Variants in LONP2 observed in about 807,000 individuals in gnomAD.
LONP2 encodes lon peptidase 2, peroxisomal, also known as lon protease homolog 2, peroxisomal.
Under a neutral mutation model 85.6 loss-of-function variants are expected in LONP2, and 60 were observed. That is an observed-to-expected ratio of 0.70 (90% confidence interval 0.57 to 0.87). The LOEUF is 0.87. LONP2 is among the 40% of genes least tolerant of loss of function. The probability of loss-of-function intolerance (pLI) is 0.00; values close to 1 mark genes in which losing one functional copy is unlikely to be tolerated. For synonymous variants in LONP2, 395 were observed against 389.7 expected (o/e 1.01, Z -0.16); for missense variants, 860 against 1,063.5 (o/e 0.81, Z 2.66).
rs1187956177 is a variant in LONP2, at chr16:48,356,750, G to C, written c.*4948G>C. 1 of 324,784 alleles carries C rather than the reference G, an allele frequency of 3.1e-6. No individual in the cohort carries two copies. Among genetic ancestry groups the C allele is most frequent in the African/African-American group, 2.2e-5 (1 of 45,414 alleles). The allele number at this position is 324,784 out of a possible 1,614,324, so 20.1% of individuals were successfully genotyped here. On this transcript the variant is annotated 3_prime_UTR_variant, in exon 15 of 15. Coordinates refer to ENST00000285737, the MANE Select transcript of LONP2 (RefSeq NM_031490.5). ...AGATGTTTTAAAAGTTACAGCAAAA[G>C]GACTTCTAAAACAATTTTAGGAAAA...
At chr16:48,326,320 T>C (rs1363181766) in intron 11 of LONP2, among the ~76,000 whole-genome samples, 2 of 152,196 alleles carry the variant, frequency 1.3e-5, no homozygotes, top group African/African-American at 4.8e-5. Context: ...GTATGTCCCA[T>C]CCTTCCCTCC....
intron 7 of LONP2, among the ~76,000 whole-genome samples, chr16:48,272,425 A>C (rs943959426): frequency 2.6e-5 from 4 of 152,158 alleles, no homozygotes; most frequent in East Asian, 1.9e-4. Context: ...ATAAATCTCT[A>C]TTTTAAATCC....
chr16:48,290,368 T>TCTG (rs1972534707), intron 8 of LONP2, among the ~76,000 whole-genome samples: 3 of 152,314 alleles, frequency 2.0e-5, no homozygotes, highest in African/African-American at 7.2e-5. Context: ...CAAGCAGTTC[T>TCTG]TCAGCAACCG....
chr16:48,258,467 T>C (rs1242310750), intron 3 of LONP2, 151 bp from the exon 4 acceptor site: 1 of 541,028 alleles, frequency 1.8e-6, no homozygotes, highest in East Asian at 3.3e-5. Context: ...CTGATTAATA[T>C]AGTTCATTTG....
At chr16:48,269,583 T>A (rs1316937261) in intron 6 of LONP2, among the ~76,000 whole-genome samples, 1 of 152,184 alleles carries the variant, frequency 6.6e-6, no homozygotes, top group Non-Finnish European at 1.5e-5. Context: ...GTAGTGGTGA[T>A]CTCTTGGGGG....
At chr16:48,245,963 C>G (rs1461483948) in intron 1 of LONP2, among the ~76,000 whole-genome samples, 1 of 152,086 alleles carries the variant, frequency 6.6e-6, no homozygotes, top group Non-Finnish European at 1.5e-5. Flanking sequence ...GCAGTTATCC[C>G]TTATTTTTAA....
intron 13 of LONP2, 27 bp from the exon 14 acceptor site, chr16:48,348,073 A>T (rs1344445016): frequency 6.4e-7 from 1 of 1,568,926 alleles, no homozygotes; most frequent in South Asian, 1.2e-5. Context: ...ATTTTTCTAC[A>T]TTAAAGTCCC....
intron 11 of LONP2, among the ~76,000 whole-genome samples, chr16:48,319,177 C>T (rs879433471): frequency 9.2e-5 from 14 of 152,014 alleles, no homozygotes; most frequent in Admixed American, 2.6e-4. Flanking sequence ...GCCAGGAGTT[C>T]GAGACCAGCC....
intron 8 of LONP2, among the ~76,000 whole-genome samples, chr16:48,288,627 C>T (rs1275522575): frequency 3.9e-5 from 6 of 152,096 alleles, no homozygotes; most frequent in Non-Finnish European, 7.4e-5. Flanking sequence ...TTACAGACAA[C>T]CGACTTGTGG....
chr16:48,346,343 G>GA lies in LONP2; in HGVS notation c.1939-1163dup, dbSNP rs79540811. On this transcript the variant is annotated intron_variant, in intron 12 of 14. Transcript: ENST00000285737. ...AATTTTGAAGCTCAAAGGGTGTAAT[G>GA]AGAGTTAACATTACTGATTTTCCAC... Among the ~76,000 whole-genome samples, 110 of 152,262 alleles carry GA rather than the reference G, an allele frequency of 7.2e-4. 1 individual carries two copies. The East Asian group carries it at 0.02, about 28-fold the overall frequency.
chr16:48,245,979 G>A (rs1971359168), intron 1 of LONP2, among the ~76,000 whole-genome samples: 1 of 151,970 alleles, frequency 6.6e-6, no homozygotes, highest in Admixed American at 6.6e-5. Flanking sequence ...TTTAAATTAG[G>A]GGTTCCTGAC....
chr16:48,246,454 T>A (rs1971392428), intron 1 of LONP2, among the ~76,000 whole-genome samples: 1 of 152,262 alleles, frequency 6.6e-6, no homozygotes, highest in African/African-American at 2.4e-5. Context: ...CTACTGTGCA[T>A]ATGTATTGAT....
At chr16:48,270,330 A>G in intron 7 of LONP2, 56 bp downstream of exon 7, 11 of 1,580,690 alleles carry the variant, frequency 7.0e-6, no homozygotes, top group Non-Finnish European at 8.6e-6. Flanking sequence ...AATTGACTAG[A>G]GCTCCCTAAA....
intron 12 of LONP2, among the ~76,000 whole-genome samples, chr16:48,343,370 AAATGTTCTTTAAAAACT>A (rs1299034161): frequency 1.3e-5 from 2 of 152,200 alleles, no homozygotes; most frequent in Non-Finnish European, 2.9e-5. Context: ...TAGATACTCC[AAATGTTCTTTAAAAACT>A]AATAGCATTG....
chr16:48,289,909 A>G (rs1038922684), intron 8 of LONP2, among the ~76,000 whole-genome samples: 1 of 152,214 alleles, frequency 6.6e-6, no homozygotes, highest in Admixed American at 6.5e-5. Context: ...TATCTTATAT[A>G]TATTACATAT....
intron 11 of LONP2, among the ~76,000 whole-genome samples, chr16:48,313,276 A>C (rs1158705495): frequency 6.6e-6 from 1 of 152,168 alleles, no homozygotes; most frequent in Non-Finnish European, 1.5e-5. Flanking sequence ...CAAGTCTTCT[A>C]ATTCATGACC....
intron 11 of LONP2, among the ~76,000 whole-genome samples, chr16:48,330,484 C>T (rs1390704433): frequency 7.9e-5 from 12 of 152,204 alleles, no homozygotes; most frequent in Non-Finnish European, 1.6e-4. Context: ...GAACATGGTA[C>T]TAGGGCTGAG....
At chr16:48,349,990 C>T (rs1004842908) in intron 14 of LONP2, among the ~76,000 whole-genome samples, 47 of 152,184 alleles carry the variant, frequency 3.1e-4, no homozygotes, top group Non-Finnish European at 6.0e-4. Context: ...TGGCAGCTGA[C>T]GTCTGTAATC....
rs1960269872 is a variant in LONP2, at chr16:48,354,634, A to G, written c.*2832A>G. 1 of 152,180 alleles carries G rather than the reference A, an allele frequency of 6.6e-6. No homozygotes were observed. The highest frequency in any genetic ancestry group is 1.5e-5 in the Non-Finnish European group (1 of 68,082). The allele number at this position is 152,180 out of a possible 1,614,324, so 9.4% of individuals were successfully genotyped here. ...TTCTTTCTGAATTTCCCTTCATATG[A>G]GTGGGATCAAACAAGAGTTGTCCTT... On this transcript the variant is annotated 3_prime_UTR_variant, in exon 15 of 15. Coordinates refer to ENST00000285737, the MANE Select transcript of LONP2 (RefSeq NM_031490.5).
Sources: allele counts gnomAD v4.1 joint callset (sites outside exome capture counted in the v4.1 genomes callset), GRCh38; gene constraint gnomAD v4.1.1; transcripts MANE v1.5; gene names NCBI Gene and HGNC (gene_info 2026-07-23, HGNC 2026-07-21).